Variants in C11orf65 observed in about 807,000 individuals in gnomAD.
The protein encoded by C11orf65 is protein MFI.
C11orf65 carries 38 observed loss-of-function variants against 35.3 expected under a neutral mutation model. The ratio of observed to expected loss-of-function variants is 1.08; its 90% confidence interval spans 0.83 to 1.41. The LOEUF (loss-of-function observed/expected upper bound fraction) is 1.41, where lower values mean the gene tolerates loss of function less well. Ranked by LOEUF, C11orf65 falls within the 40% of genes most tolerant of loss-of-function variation. The pLI is 0.00. For missense variants in C11orf65, 370 were observed against 367.1 expected, an observed-to-expected ratio of 1.01 and a Z score of -0.06; for synonymous variants, 105 against 114.4, an observed-to-expected ratio of 0.92 and a Z score of 0.53.
rs995543794 is a variant in C11orf65, at chr11:108,450,566, T to C, written c.81+10913A>G. Among the ~76,000 whole-genome samples the C allele has an allele frequency of 1.2e-4, 16 of 133,268 alleles. 1 individual carries two copies. The highest frequency in any genetic ancestry group is 2.3e-4 in the South Asian group (1 of 4,258). 87.4% of individuals were successfully genotyped at this position (133,268 alleles called of 152,430 possible). A position where few individuals can be genotyped will look rare whatever the true frequency, so the allele number is the denominator to read the frequency against. ...ACATGTTGTCACTCATAGGTGGGAA[T>C]TGAACAATGAGAACACATAGGCACA... is the stretch of plus-strand genomic sequence containing the variant. On this transcript the variant is annotated intron_variant, in intron 2 of 8. Transcript: ENST00000393084.
In C11orf65 at chr11:108,326,268, T is replaced by TA. The variant is rs774886495; in HGVS notation, c.641-17198dup. 105 of 1,607,232 alleles carry TA rather than the reference T, an allele frequency of 6.5e-5. No individual in the cohort carries two copies. The highest frequency in any genetic ancestry group is 8.1e-5 in the Non-Finnish European group (95 of 1,175,858). ...GCTGGATTAGTGTTTTACTGTTATT[T>TA]AAAAAAACACAAATGTACTTTAAAA... is the stretch of plus-strand genomic sequence containing the variant. On this transcript the variant is annotated intron_variant, in intron 6 of 6. Transcript: ENST00000525729.
intron 3 of C11orf65, among the ~76,000 whole-genome samples, chr11:108,413,210 T>G (rs2092685195): frequency 1.3e-5 from 2 of 152,334 alleles, no homozygotes; most frequent in Admixed American, 6.5e-5. Context: ...TTGTACAAAT[T>G]TGTGCAGTAT....
intron 2 of C11orf65, among the ~76,000 whole-genome samples, chr11:108,437,834 T>C (rs948430541): frequency 6.7e-6 from 1 of 149,942 alleles, no homozygotes; most frequent in Non-Finnish European, 1.5e-5. Context: ...ATGTACAGAT[T>C]CAATGTAATC....
At chr11:108,445,103 C>T (rs572366203) in intron 2 of C11orf65, among the ~76,000 whole-genome samples, 5 of 152,254 alleles carry the variant, frequency 3.3e-5, no homozygotes, top group African/African-American at 7.2e-5. Context: ...ACAAAGCAGC[C>T]GGGAAGCTCC....
At chr11:108,407,291 T>A in intron 3 of C11orf65, 142 bp from the exon 4 acceptor site, 2 of 665,644 alleles carry the variant, frequency 3.0e-6, no homozygotes, top group South Asian at 6.7e-5. Flanking sequence ...CCTCAAATAA[T>A]CAATTTTAAA....
intron 2 of C11orf65, among the ~76,000 whole-genome samples, chr11:108,370,475 T>C (rs1294040765): frequency 2.0e-5 from 3 of 151,696 alleles, no homozygotes; most frequent in East Asian, 3.9e-4. Flanking sequence ...GCTTTTTTTT[T>C]TTCCTTGCCT....
chr11:108,410,100 T>A (rs555234971), intron 3 of C11orf65, among the ~76,000 whole-genome samples: 1 of 152,274 alleles, frequency 6.6e-6, no homozygotes, highest in South Asian at 2.1e-4. Flanking sequence ...CCAAGGAGCA[T>A]CTGTAATTTG....
At chr11:108,451,043 C>A (rs1414931667) in intron 2 of C11orf65, among the ~76,000 whole-genome samples, 3 of 151,886 alleles carry the variant, frequency 2.0e-5, no homozygotes, top group Non-Finnish European at 2.9e-5. Flanking sequence ...AAACCCACAG[C>A]CAATATCATA....
chr11:108,344,564 G>A (rs1050940153), intron 2 of C11orf65, among the ~76,000 whole-genome samples: 21 of 152,158 alleles, frequency 1.4e-4, no homozygotes, highest in Non-Finnish European at 2.5e-4. Flanking sequence ...AAATTCCGAC[G>A]GCACTGTGGG....
At chr11:108,434,504 CAAAA>C (rs758864952) in intron 2 of C11orf65, among the ~76,000 whole-genome samples, 1 of 108,652 alleles carries the variant, frequency 9.2e-6, no homozygotes, top group Admixed American at 9.5e-5. Flanking sequence ...GACTCTGTCT[CAAAA>C]AAAAAAAAAA....
At chr11:108,333,003 A>AAAAACATT in intron 3 of C11orf65, 1 of 1,402,770 alleles carries the variant, frequency 7.1e-7, no homozygotes, top group South Asian at 1.2e-5. Context: ...TAAAATCACA[A>AAAAACATT]ACGTAATCCA....
chr11:108,420,647 C>T (rs2138878866), intron 3 of C11orf65, among the ~76,000 whole-genome samples: 1 of 152,322 alleles, frequency 6.6e-6, no homozygotes, highest in South Asian at 2.1e-4. Context: ...AGGGATCTAA[C>T]AGCATATCCC....
At chr11:108,423,264 C>T (rs945176859) in intron 3 of C11orf65, among the ~76,000 whole-genome samples, 8 of 152,074 alleles carry the variant, frequency 5.3e-5, no homozygotes, top group Non-Finnish European at 8.8e-5. Flanking sequence ...GGGGCTGAAG[C>T]CAGGGAGCCA....
rs780247224 is a variant in C11orf65 at position 108,333,887 on chromosome 11, A to T, written c.299+1333T>A. 16 of 1,600,798 alleles carry T rather than the reference A, an allele frequency of 1.0e-5. No individual in the cohort carries two copies. In the South Asian group the frequency reaches 1.8e-4, roughly 18 times the overall value. ...AAATCTCTTCATTTTTAAATACAGA[A>T]GGCATAAATATTCCAGCAGACCAGC... On this transcript the variant is annotated intron_variant, in intron 3 of 3. Transcript: ENST00000524755.
chr11:108,429,698 A>G (rs2092957869), intron 3 of C11orf65, among the ~76,000 whole-genome samples: 1 of 152,236 alleles, frequency 6.6e-6, no homozygotes, highest in African/African-American at 2.4e-5. Flanking sequence ...ATAACCATTT[A>G]TAGAAGCATT....
chr11:108,420,240 GA>G (rs569323356), intron 3 of C11orf65, among the ~76,000 whole-genome samples: 3 of 152,130 alleles, frequency 2.0e-5, no homozygotes, highest in Non-Finnish European at 4.4e-5. Context: ...AAATTTAGAA[GA>G]ACTAAATAAC....
chr11:108,426,311 ACAAT>A (rs1225208737), intron 3 of C11orf65, among the ~76,000 whole-genome samples: 18 of 152,348 alleles, frequency 1.2e-4, no homozygotes, highest in Admixed American at 7.8e-4. Flanking sequence ...CTCAGGACAC[ACAAT>A]CAATCTGCAA....
chr11:108,357,631 C>G (rs1010797852), intron 2 of C11orf65, among the ~76,000 whole-genome samples: 2 of 152,108 alleles, frequency 1.3e-5, no homozygotes, highest in Admixed American at 1.3e-4. Flanking sequence ...AAGTGGGTTC[C>G]TGACCCCTGA....
chr11:108,414,106 A>G (rs7946955), intron 3 of C11orf65, among the ~76,000 whole-genome samples: 82,595 of 151,732 alleles, frequency 0.54, 22,978 homozygotes, highest in Middle Eastern at 0.74. Context: ...GAAATCTATA[A>G]AGAAAATAAA....
Sources: gnomAD v4.1 joint callset for allele counts (sites outside exome capture counted in the v4.1 genomes callset) on GRCh38, gnomAD v4.1.1 for gene constraint, MANE v1.5 for transcripts, NCBI Gene and HGNC (gene_info 2026-07-23, HGNC 2026-07-21) for gene names.